The following KIF13B variants were observed in gnomAD, a reference collection of about 807,000 sequenced individuals.
The protein encoded by KIF13B is kinesin family member 13B.
Under a neutral mutation model 222.0 loss-of-function variants are expected in KIF13B, and 127 were observed. The ratio of observed to expected loss-of-function variants is 0.57; its 90% CI spans 0.50 to 0.66. The LOEUF (loss-of-function observed/expected upper bound fraction) is 0.66, where lower values mean the gene tolerates loss of function less well. Among genes scored for constraint, KIF13B ranks in the 30% least tolerant of loss-of-function variants. The pLI, the probability that KIF13B is intolerant of heterozygous loss-of-function variation, is 0.00. For synonymous variants in KIF13B, 976 were observed against 919.0 expected (o/e 1.06, Z -1.12); for missense variants, 2,173 against 2,379.0 (o/e 0.91, Z 1.80).
chr8:29,188,687 T>C, intron 4 of KIF13B, 80 bp from the exon 5 acceptor site: 3 of 863,226 alleles, frequency 3.5e-6, no homozygotes, highest in Non-Finnish European at 5.4e-6. Context: ...AACAAAAATC[T>C]CAAAAATGTA....
At position 29,136,112 on chromosome 8, in the gene KIF13B, T is replaced by A. The variant is rs550324922; in HGVS notation, c.2614-1902A>T. Among the ~76,000 whole-genome samples, 43 of 152,322 alleles carry A rather than the reference T, an allele frequency of 2.8e-4. 3 individuals are homozygous for A. The highest frequency in any genetic ancestry group is 1.0e-3 in the African/African-American group (42 of 41,580). On this transcript the variant is annotated intron_variant, in intron 21 of 39. Coordinates refer to ENST00000524189, the MANE Select transcript of KIF13B (RefSeq NM_015254.4). ...ATGAAAGACAGATTGGCTGACATAT[T>A]TTATTCCTCCAAACCAAACTGAGCA...
intron 37 of KIF13B, 115 bp from the exon 38 acceptor site, chr8:29,075,458 G>T: frequency 2.2e-6 from 2 of 902,216 alleles, no homozygotes; most frequent in Non-Finnish European, 3.3e-6. Flanking sequence ...CGGCCCATCA[G>T]GTGTGCGAGT....
At position 29,072,146 on chromosome 8, in the gene KIF13B, G is replaced by C; in HGVS notation, c.4692C>G (p.Ala1564=). The change falls in exon 39 of 40, where the codon GCC becomes GCG. Residue 1564 remains alanine, a synonymous_variant. Transcript: ENST00000524189. ...QDGPPSPLSE[A]SSGYFSHSVS... is the part of the protein sequence containing the mutation. ...CGCTGTGGGAGAAGTACCCGCTAGA[G>C]GCTTCACTCAGGGGGCTGGGGGGCC... The C allele has an allele frequency of 7.1e-7, 1 of 1,408,920 alleles. No homozygotes were observed. Among genetic ancestry groups the C allele is most frequent in the Middle Eastern group, 2.3e-4 (1 of 4,314 alleles). 87.3% of individuals were successfully genotyped at this position (1,408,920 alleles called of 1,614,324 possible).
chr8:29,118,810 G>A (rs1003587183), intron 30 of KIF13B, 58 bp downstream of exon 30: 23 of 1,580,590 alleles, frequency 1.5e-5, no homozygotes, highest in Middle Eastern at 1.7e-4. Context: ...CAAAAAGCTC[G>A]AGGAGAGGTT....
intron 14 of KIF13B, among the ~76,000 whole-genome samples, chr8:29,153,381 A>G (rs1811383044): frequency 6.6e-6 from 1 of 152,268 alleles, no homozygotes; most frequent in South Asian, 2.1e-4. Flanking sequence ...CATAGCAAGG[A>G]AAATGATCAC....
At chr8:29,075,684 C>T (rs1211072522) in intron 37 of KIF13B, among the ~76,000 whole-genome samples, 2 of 152,194 alleles carry the variant, frequency 1.3e-5, no homozygotes, top group Non-Finnish European at 2.9e-5. Context: ...GAAAGACTTC[C>T]GGCAGGAGGT....
intron 38 of KIF13B, among the ~76,000 whole-genome samples, chr8:29,072,637 G>C (rs962785456): frequency 1.3e-5 from 2 of 152,206 alleles, no homozygotes; most frequent in Admixed American, 6.5e-5. Flanking sequence ...TTGAGGGGCC[G>C]ACAGTGCACC....
intron 2 of KIF13B, among the ~76,000 whole-genome samples, chr8:29,199,031 G>A (rs772333526): frequency 3.4e-5 from 5 of 146,484 alleles, no homozygotes; most frequent in South Asian, 2.1e-4. Context: ...TAACTCATCC[G>A]TGTAACCAAA....
At chr8:29,118,843 C>A (rs1383010925) in intron 30 of KIF13B, 25 bp downstream of exon 30, 4 of 1,611,912 alleles carry the variant, frequency 2.5e-6, no homozygotes, top group Non-Finnish European at 3.4e-6. Context: ...TTTCATCTGA[C>A]CATCCCAAGT....
At chr8:29,114,929 C>T (rs540351111) in intron 31 of KIF13B, among the ~76,000 whole-genome samples, 1 of 152,284 alleles carries the variant, frequency 6.6e-6, no homozygotes, top group African/African-American at 2.4e-5. Flanking sequence ...AGCAGTGTGT[C>T]TTTTTCAAAC....
At chr8:29,208,720 G>A (rs1166671638) in intron 2 of KIF13B, among the ~76,000 whole-genome samples, 2 of 152,124 alleles carry the variant, frequency 1.3e-5, no homozygotes, top group Non-Finnish European at 2.9e-5. Context: ...GTGGGACCTT[G>A]GTCAGTGACT....
chr8:29,242,414 T>C lies in KIF13B; in HGVS notation c.149+2932A>G, dbSNP rs531226657. 2.3e-3 allele frequency among the ~76,000 whole-genome samples: 353 copies of C among 152,258 alleles called. 1 individual carries two copies. Among genetic ancestry groups the C allele is most frequent in the Non-Finnish European group, 4.5e-3 (307 of 68,016 alleles). On this transcript the variant is annotated intron_variant, in intron 2 of 39. Coordinates refer to ENST00000524189, the MANE Select transcript of KIF13B (RefSeq NM_015254.4). ...AAGTTTAATAAGTTTTAAGATATAATTCAAATAAAATAAGGCCTAAAGATT... is the reference window on the plus strand; with the variant it reads ...AAGTTTAATAAGTTTTAAGATATAACTCAAATAAAATAAGGCCTAAAGATT...
chr8:29,244,781 G>A (rs1481499156), intron 2 of KIF13B, among the ~76,000 whole-genome samples: 3 of 152,074 alleles, frequency 2.0e-5, no homozygotes, highest in Non-Finnish European at 2.9e-5. Context: ...ATCTAGAAAT[G>A]ATACTCAAAT....
intron 1 of KIF13B, among the ~76,000 whole-genome samples, chr8:29,260,862 C>A (rs1816655554): frequency 6.6e-6 from 1 of 152,196 alleles, no homozygotes. Context: ...AGGTGATCCA[C>A]CCGCCTCGGC....
At chr8:29,225,451 A>G (rs1280928738) in intron 2 of KIF13B, among the ~76,000 whole-genome samples, 2 of 152,200 alleles carry the variant, frequency 1.3e-5, no homozygotes, top group Non-Finnish European at 2.9e-5. Context: ...TGGGAGCGTG[A>G]CTGGAGATAG....
rs1364002803 is a variant in KIF13B, at chr8:29,213,886, G to A, written c.150-17687C>T. On this transcript the variant is annotated intron_variant, in intron 2 of 39. Transcript: ENST00000524189. Reference sequence around the variant, plus strand: ...GGAAAACAGTTTGAATGCGGCAGGCGGAGGTTGCAGTGAGCCGAGATTGAG... The same window carrying A: ...GGAAAACAGTTTGAATGCGGCAGGCAGAGGTTGCAGTGAGCCGAGATTGAG... 3.9e-5 allele frequency among the ~76,000 whole-genome samples: 6 copies of A among 152,194 alleles called. No individual in the cohort carries two copies. In the East Asian group the frequency reaches 7.7e-4, roughly 20 times the overall value.
chr8:29,223,164 C>CAAAAAAAAAAAAAAAAAAAAAAA (rs375009923), intron 2 of KIF13B, among the ~76,000 whole-genome samples: 2 of 113,168 alleles, frequency 1.8e-5, no homozygotes, highest in Non-Finnish European at 3.6e-5. Context: ...CAAAAAAATA[C>CAAAAAAAAAAAAAAAAAAAAAAA]AAAAAAAAAA....
rs909993744 is a variant in KIF13B, at chr8:29,072,450, G to A, written c.4522-134C>T. 30 of 489,774 alleles carry A rather than the reference G, an allele frequency of 6.1e-5. No individual in the cohort carries two copies. In the Admixed American group the frequency reaches 7.9e-4, roughly 13 times the overall value. The allele number at this position is 489,774 out of a possible 1,614,324, so 30.3% of individuals were successfully genotyped here. On this transcript the variant is annotated intron_variant, in intron 38 of 39. Coordinates refer to ENST00000524189, the MANE Select transcript of KIF13B (RefSeq NM_015254.4). ...CCTGTAACCCCAGTGCTTATGGAGG[G>A]CAAGACGGAAGATCGCTTGAGCCCA...
rs377466711 is a variant in KIF13B, at chr8:29,098,782, T to C, written c.4324+351A>G. 2.0e-5 allele frequency among the ~76,000 whole-genome samples: 3 copies of C among 152,184 alleles called. No homozygotes were observed. The South Asian group carries it at 6.2e-4, about 32-fold the overall frequency. Reference sequence around the variant, plus strand: ...GAGAAACATTTCCCAAGTCGTTTTATGAAGCCAATGCAATCATAACAAAAC... The same window carrying C: ...GAGAAACATTTCCCAAGTCGTTTTACGAAGCCAATGCAATCATAACAAAAC... On this transcript the variant is annotated intron_variant, in intron 36 of 39. Transcript: ENST00000524189.
Sources: gnomAD v4.1 joint callset for allele counts (sites outside exome capture counted in the v4.1 genomes callset) on GRCh38, gnomAD v4.1.1 for gene constraint, MANE v1.5 for transcripts, NCBI Gene and HGNC (gene_info 2026-07-23, HGNC 2026-07-21) for gene names.